The following NHSL1 variants were observed in gnomAD, a reference collection of about 807,000 sequenced individuals.
NHSL1 encodes the protein NHS-like protein 1.
Under a neutral mutation model 95.0 loss-of-function variants are expected in NHSL1, and 48 were observed. The observed-to-expected ratio is 0.51, with a 90% CI of 0.40 to 0.64. The LOEUF is 0.64. Among genes scored for constraint, NHSL1 ranks in the 30% least tolerant of loss-of-function variants. The pLI is 0.00. For synonymous variants in NHSL1, 783 were observed against 833.9 expected (o/e 0.94, Z 1.05); for missense variants, 1,971 against 2,077.7 (o/e 0.95, Z 1.00).
At chr6:138,480,785 T>A (rs979344214) in intron 2 of NHSL1, among the ~76,000 whole-genome samples, 1 of 152,200 alleles carries the variant, frequency 6.6e-6, no homozygotes. Context: ...CCTATGATGA[T>A]CTAGAGTCTA....
At chr6:138,585,704 GT>G (rs150241703) in intron 1 of NHSL1, among the ~76,000 whole-genome samples, 2,866 of 152,080 alleles carry the variant, frequency 0.019, 36 homozygotes, top group East Asian at 0.082. Flanking sequence ...CACACCACTG[GT>G]TACAGTTGAT....
intron 1 of NHSL1, among the ~76,000 whole-genome samples, chr6:138,598,974 A>G (rs1381229591): frequency 6.6e-6 from 1 of 152,220 alleles, no homozygotes; most frequent in Non-Finnish European, 1.5e-5. Context: ...GTCCAAGGTC[A>G]GAGCTTAGGG....
chr6:138,688,422 G>A (rs1785616160), intron 1 of NHSL1, among the ~76,000 whole-genome samples: 2 of 152,008 alleles, frequency 1.3e-5, no homozygotes, highest in Non-Finnish European at 2.9e-5. Flanking sequence ...GAGGCGGGTG[G>A]ATCACGAGGT....
At chr6:138,653,141 G>GT (rs1399040312) in intron 1 of NHSL1, among the ~76,000 whole-genome samples, 1 of 152,172 alleles carries the variant, frequency 6.6e-6, no homozygotes, top group African/African-American at 2.4e-5. Context: ...ATTAAATTTA[G>GT]TAGGGTGTAA....
intron 1 of NHSL1, among the ~76,000 whole-genome samples, chr6:138,677,833 G>A (rs1385145876): frequency 2.0e-5 from 3 of 152,228 alleles, no homozygotes; most frequent in Non-Finnish European, 4.4e-5. Context: ...TTCTGATTTA[G>A]TAGGTCTGTG....
intron 1 of NHSL1, among the ~76,000 whole-genome samples, chr6:138,690,529 T>C (rs921694658): frequency 6.6e-6 from 1 of 151,642 alleles, no homozygotes; most frequent in Non-Finnish European, 1.5e-5. Flanking sequence ...TCGCCTGAGG[T>C]TGGGAGTTAA....
chr6:138,601,296 C>T (rs188728783), intron 1 of NHSL1, among the ~76,000 whole-genome samples: 18 of 152,198 alleles, frequency 1.2e-4, no homozygotes, highest in Admixed American at 2.0e-4. Flanking sequence ...TTATGTTCTC[C>T]AGTCCCAAGC....
rs942150230 is a variant in NHSL1, at chr6:138,518,982, C to T, written c.17-22611G>A. ...GCAGTGAGCCAAGATCGCACCACTG[C>T]GCTCCAGCCTGGGTGACAGAGCAAG... On this transcript the variant is annotated intron_variant, in intron 1 of 4. Transcript: ENST00000342260. Among the ~76,000 whole-genome samples, 8 of 151,918 alleles carry T rather than the reference C, an allele frequency of 5.3e-5. 1 individual carries two copies. In the East Asian group the frequency reaches 7.7e-4, roughly 15 times the overall value.
At chr6:138,498,500 T>C (rs1780489297) in intron 1 of NHSL1, among the ~76,000 whole-genome samples, 1 of 152,218 alleles carries the variant, frequency 6.6e-6, no homozygotes, top group South Asian at 2.1e-4. Flanking sequence ...CTACCCATGT[T>C]CATTTATCCA....
At position 138,424,292 on chromosome 6, in the gene NHSL1, T is replaced by C. The variant is rs1485068079; in HGVS notation, c.4610A>G (p.Asp1537Gly). 1 of 1,510,988 alleles carries C rather than the reference T, an allele frequency of 6.6e-7. No individual in the cohort carries two copies. The highest frequency in any genetic ancestry group is 2.2e-5 in the Admixed American group (1 of 46,228). The allele number at this position is 1,510,988 out of a possible 1,614,324, so 93.6% of individuals were successfully genotyped here. The change falls in exon 8 of 8, where the codon GAC (aspartate) becomes GGC (glycine). Residue 1537 changes from aspartate to glycine, a missense_variant. This residue lies in a region of NHSL1 where 223 missense variants were observed against 217.0 expected (regional missense o/e 1.03). Transcript: ENST00000343505. This position sits in a 1 kb window ranked among gnomAD's most constrained non-coding sequence, Gnocchi z 5.9. ...GCCCAGAGCCCCGCGGGCTATGCTG[T>C]CCACAGGCTCCACGGCTTCCCCTTC... ...EGEGEAVEPV[D>G]SIARGALGAA...
chr6:138,484,273 C>T lies in NHSL1; in HGVS notation c.212-10840G>A, dbSNP rs187173832. Among the ~76,000 whole-genome samples, 169 of 151,974 alleles carry T rather than the reference C, an allele frequency of 1.1e-3. 1 individual carries two copies. The highest frequency in any genetic ancestry group is 3.5e-3 in the African/African-American group (146 of 41,446). On this transcript the variant is annotated intron_variant, in intron 2 of 7. Transcript: ENST00000343505. ...GAAAAAGCTTGCAGGCAAGTGTAGG[C>T]GGGGAGTAAGATGTAAGAGAGGAGG...
At chr6:138,641,949 T>C (rs1286475035) in intron 1 of NHSL1, among the ~76,000 whole-genome samples, 1 of 152,210 alleles carries the variant, frequency 6.6e-6, no homozygotes, top group African/African-American at 2.4e-5. Context: ...TTCTCTAACA[T>C]ATCATTTCAG....
chr6:138,451,243 G>A (rs532657843), intron 3 of NHSL1, among the ~76,000 whole-genome samples: 7 of 152,008 alleles, frequency 4.6e-5, no homozygotes, highest in East Asian at 1.9e-4. Context: ...ATGCACACTC[G>A]CGCCTCAGGG....
chr6:138,568,286 G>A (rs1026840365), intron 1 of NHSL1, among the ~76,000 whole-genome samples: 4 of 152,188 alleles, frequency 2.6e-5, no homozygotes, highest in Middle Eastern at 3.4e-3. Flanking sequence ...TGTCTTATTT[G>A]CTTCTCCATT....
Position 138,430,541 on chromosome 6 carries a change from T to C in NHSL1, c.3804A>G (p.Ala1268=). 2 of 1,551,288 alleles carry C rather than the reference T, an allele frequency of 1.3e-6. No homozygotes were observed. The highest frequency in any genetic ancestry group is 1.7e-6 in the Non-Finnish European group (2 of 1,146,708). ...PGTSVLEGGA[A]GSMSPSRVEA... is the part of the protein sequence containing the mutation. ...CCACTCTGCTGGGAGACATGGATCC[T>C]GCAGCTCCTCCCTCAAGAACCGAGG... Residue 1268 remains alanine (A), a synonymous_variant, in exon 6 of 8, where the codon GCA becomes GCG. Coordinates refer to ENST00000343505, the MANE Select transcript of NHSL1 (RefSeq NM_001144060.2). The surrounding 1 kb of genome is among the most constrained non-coding windows in gnomAD (Gnocchi z 4.7).
At chr6:138,519,536 G>T (rs1781590033) in intron 1 of NHSL1, among the ~76,000 whole-genome samples, 1 of 152,064 alleles carries the variant, frequency 6.6e-6, no homozygotes, top group South Asian at 2.1e-4. Flanking sequence ...ATGCAAGGCT[G>T]GAATGACATT....
At chr6:138,603,211 T>C (rs1784393247) in intron 1 of NHSL1, among the ~76,000 whole-genome samples, 2 of 152,028 alleles carry the variant, frequency 1.3e-5, no homozygotes. Flanking sequence ...TTTTTTAAAT[T>C]TTACATTTTT....
At chr6:138,465,446 G>T (rs13191089) in intron 3 of NHSL1, among the ~76,000 whole-genome samples, 4 of 152,054 alleles carry the variant, frequency 2.6e-5, no homozygotes, top group Non-Finnish European at 5.9e-5. Flanking sequence ...CCTCAGTGCC[G>T]TTTTGCCTGT....
chr6:138,579,793 G>A (rs1007834051), intron 1 of NHSL1, among the ~76,000 whole-genome samples: 4 of 152,086 alleles, frequency 2.6e-5, no homozygotes, highest in Non-Finnish European at 4.4e-5. Flanking sequence ...TTTTCCAATC[G>A]ACCTTACGTG....
Sources: gnomAD v4.1 joint callset for allele counts (sites outside exome capture counted in the v4.1 genomes callset) on GRCh38, gnomAD v4.1.1 for gene constraint, gnomAD v4.1.1 regional missense constraint, Gnocchi (gnomAD v3.1) non-coding constraint, MANE v1.5 for transcripts, NCBI Gene and HGNC (gene_info 2026-07-23, HGNC 2026-07-21) for gene names.